Variants in CWF19L2 observed in about 807,000 individuals in gnomAD.
The protein encoded by CWF19L2 is CWF19 like cell cycle control factor 2, also known as CWF19-like protein 2.
A neutral mutation model predicts 111.7 loss-of-function variants in CWF19L2; 98 were observed. The ratio of observed to expected loss-of-function variants is 0.88; its 90% confidence interval spans 0.75 to 1.04. CWF19L2 has a LOEUF of 1.04. Ranked by LOEUF, CWF19L2 falls within the 50% of genes least tolerant of loss-of-function variation. The pLI is 0.00. For missense variants in CWF19L2, 1,101 were observed against 1,051.4 expected, an observed-to-expected ratio of 1.05 and a Z score of -0.65; for synonymous variants, 351 against 342.9, an observed-to-expected ratio of 1.02 and a Z score of -0.26.
chr11:107,373,840 C>T lies in CWF19L2; in HGVS notation c.1872+16234G>A, dbSNP rs1031151146. 1.4e-4 allele frequency among the ~76,000 whole-genome samples: 19 copies of T among 132,732 alleles called. 1 individual carries two copies. Among genetic ancestry groups the T allele is most frequent in the Non-Finnish European group, 2.4e-4 (15 of 62,494 alleles). 87.1% of individuals were successfully genotyped at this position (132,732 alleles called of 152,430 possible). ...TTACTCCGACCTACGGGAGGACACT[C>T]GAACCAAAGGCAAAGAAGTTGAAAA... On this transcript the variant is annotated intron_variant, in intron 12 of 17. Coordinates refer to ENST00000282251, the MANE Select transcript of CWF19L2 (RefSeq NM_152434.3).
At position 107,326,788 on chromosome 11, in the gene CWF19L2, C is replaced by G. The variant is rs987622252; in HGVS notation, c.*122G>C. 4 of 735,146 alleles carry G rather than the reference C, an allele frequency of 5.4e-6. No homozygotes were observed. The highest frequency in any genetic ancestry group is 2.2e-5 in the South Asian group (1 of 45,852). 45.5% of individuals were successfully genotyped at this position (735,146 alleles called of 1,614,324 possible). A position where few individuals can be genotyped will look rare whatever the true frequency, so the allele number is the denominator to read the frequency against. ...CTCCTGATGTACAGTTGTCACTGAC[C>G]CAGAGCAGTCTGCTGCTGTGACTCT... On this transcript the variant is annotated 3_prime_UTR_variant, in exon 18 of 18. Transcript: ENST00000282251.
intron 6 of CWF19L2, among the ~76,000 whole-genome samples, chr11:107,435,723 GA>G (rs1161007790): frequency 6.6e-6 from 1 of 151,140 alleles, no homozygotes; most frequent in Non-Finnish European, 1.5e-5. Flanking sequence ...TTTTTGGTAA[GA>G]AAAAAATCAC....
intron 10 of CWF19L2, among the ~76,000 whole-genome samples, chr11:107,413,233 G>T (rs1003352226): frequency 6.6e-6 from 1 of 152,168 alleles, no homozygotes; most frequent in African/African-American, 2.4e-5. Context: ...GGCAGGAAGT[G>T]TATGGGAAAT....
chr11:107,431,122 A>C (rs539443448), intron 7 of CWF19L2, among the ~76,000 whole-genome samples: 1 of 152,174 alleles, frequency 6.6e-6, no homozygotes, highest in Non-Finnish European at 1.5e-5. Flanking sequence ...GTCTTTAGAC[A>C]AAAAGGCAAT....
chr11:107,350,064 G>T (rs537978557), intron 13 of CWF19L2, among the ~76,000 whole-genome samples: 20 of 152,000 alleles, frequency 1.3e-4, no homozygotes, highest in Non-Finnish European at 2.8e-4. Context: ...CCTAAAATTG[G>T]TATCAAAAGC....
rs191177935 is a variant in CWF19L2, at chr11:107,429,785, A to C, written c.781-334T>G. Among the ~76,000 whole-genome samples, 589 of 145,944 alleles carry C rather than the reference A, an allele frequency of 4.0e-3. 8 individuals are homozygous for C. The highest frequency in any genetic ancestry group is 0.015 in the African/African-American group (572 of 39,110). On this transcript the variant is annotated intron_variant, in intron 7 of 17. Coordinates refer to ENST00000282251, the MANE Select transcript of CWF19L2 (RefSeq NM_152434.3). The stretch of plus-strand genomic sequence containing the variant: ...CTGGTTGTGAGATTCAAGAGGTTAA[A>C]TTGCTAAAACAGATTCTCACCAAAA...
At chr11:107,347,514 A>G (rs1860097178) in intron 14 of CWF19L2, among the ~76,000 whole-genome samples, 1 of 152,210 alleles carries the variant, frequency 6.6e-6, no homozygotes, top group Admixed American at 6.5e-5. Flanking sequence ...ACAATAATTG[A>G]TAACTTCTAA....
chr11:107,350,796 C>A (rs913046178), intron 13 of CWF19L2, among the ~76,000 whole-genome samples: 2 of 151,996 alleles, frequency 1.3e-5, no homozygotes, highest in African/African-American at 4.8e-5. Flanking sequence ...AGGAAGCCTC[C>A]CTTTAAAGTT....
chr11:107,402,352 C>T (rs1861012718), intron 10 of CWF19L2, among the ~76,000 whole-genome samples: 1 of 150,324 alleles, frequency 6.7e-6, no homozygotes, highest in Non-Finnish European at 1.5e-5. Context: ...GACTAATATC[C>T]AGAATCTACA....
chr11:107,391,110 C>G (rs775819147), intron 11 of CWF19L2, among the ~76,000 whole-genome samples: 11 of 152,306 alleles, frequency 7.2e-5, no homozygotes, highest in Middle Eastern at 3.4e-3. Context: ...CTGTCAGCTT[C>G]CCTACTTTTG....
chr11:107,437,729 A>G (rs534363827), intron 6 of CWF19L2, among the ~76,000 whole-genome samples: 1 of 152,106 alleles, frequency 6.6e-6, no homozygotes, highest in South Asian at 2.1e-4. Context: ...CTAAAGTAAA[A>G]CTCTGGATCT....
intron 13 of CWF19L2, among the ~76,000 whole-genome samples, chr11:107,350,294 G>A (rs1211557658): frequency 6.6e-6 from 1 of 152,094 alleles, no homozygotes; most frequent in Non-Finnish European, 1.5e-5. Flanking sequence ...CTACCCATAA[G>A]GAGCTTATGG....
chr11:107,357,382 A>T (rs1860254029), intron 12 of CWF19L2, among the ~76,000 whole-genome samples: 1 of 152,238 alleles, frequency 6.6e-6, no homozygotes, highest in African/African-American at 2.4e-5. Flanking sequence ...TATCCAAAAT[A>T]TATTAACAGG....
At chr11:107,353,448 C>T (rs1258499396) in intron 13 of CWF19L2, 76 bp downstream of exon 13, 1 of 1,101,526 alleles carries the variant, frequency 9.1e-7, no homozygotes, top group South Asian at 1.4e-5. Context: ...AAATAATAAA[C>T]TTATTCAAGT....
intron 12 of CWF19L2, 25 bp from the exon 13 acceptor site, chr11:107,353,761 A>G: frequency 1.9e-6 from 3 of 1,578,624 alleles, no homozygotes; most frequent in Middle Eastern, 1.7e-4. Context: ...TAACAGTAAT[A>G]GAGAGTAGAA....
At chr11:107,330,699 T>C (rs1016349529) in intron 16 of CWF19L2, among the ~76,000 whole-genome samples, 2 of 141,668 alleles carry the variant, frequency 1.4e-5, no homozygotes, top group South Asian at 4.6e-4. Flanking sequence ...CTTTAAACTA[T>C]TTCATGACTA....
intron 10 of CWF19L2, among the ~76,000 whole-genome samples, chr11:107,396,193 T>C (rs1234196687): frequency 6.6e-6 from 1 of 152,266 alleles, no homozygotes; most frequent in Non-Finnish European, 1.5e-5. Context: ...ATTATCCATG[T>C]AATTTTGTAA....
chr11:107,453,327 G>T (rs1179868967), intron 3 of CWF19L2, among the ~76,000 whole-genome samples: 1 of 152,068 alleles, frequency 6.6e-6, no homozygotes, highest in African/African-American at 2.4e-5. Flanking sequence ...TGGTTGGGGG[G>T]CAACTGGTGC....
intron 5 of CWF19L2, among the ~76,000 whole-genome samples, chr11:107,440,621 G>A (rs1393047494): frequency 6.6e-6 from 1 of 152,058 alleles, no homozygotes; most frequent in African/African-American, 2.4e-5. Context: ...TGCATACTGA[G>A]GACAATTGAC....
Sources: allele counts gnomAD v4.1 joint callset (sites outside exome capture counted in the v4.1 genomes callset), GRCh38; gene constraint gnomAD v4.1.1; transcripts MANE v1.5; gene names NCBI Gene and HGNC (gene_info 2026-07-23, HGNC 2026-07-21).